The following RYR2 variants were observed in gnomAD, a reference collection of about 807,000 sequenced individuals.
RYR2 encodes the protein ryanodine receptor 2.
Under a neutral mutation model 601.1 loss-of-function variants are expected in RYR2, and 227 were observed. That is an observed-to-expected ratio of 0.38 (90% CI 0.34 to 0.42). RYR2 has a LOEUF of 0.42. Among genes scored for constraint, RYR2 ranks in the 10% least tolerant of loss-of-function variants. The pLI is 1.00. For synonymous variants in RYR2, 2,223 were observed against 2,175.1 expected (o/e 1.02, Z -0.61); for missense variants, 4,646 against 6,156.5 (o/e 0.75, Z 8.21).
rs139669741 is a variant in RYR2 at position 237,131,774 on chromosome 1, G to A, written c.48+89205G>A. On this transcript the variant is annotated intron_variant, in intron 1 of 104. Coordinates refer to ENST00000366574, the MANE Select transcript of RYR2 (RefSeq NM_001035.3). ...CTTGCTCTGTCACCCAGGCTGTAGT[G>A]CAGTGGCACGATCATGGCTCATTGC... 3.0e-3 allele frequency among the ~76,000 whole-genome samples: 459 copies of A among 151,828 alleles called. 3 individuals are homozygous for A. Among genetic ancestry groups the A allele is most frequent in the African/African-American group, 0.01 (429 of 41,376 alleles).
At chr1:237,779,396 AG>A (rs1290737881) in intron 88 of RYR2, among the ~76,000 whole-genome samples, 4 of 152,218 alleles carry the variant, frequency 2.6e-5, no homozygotes, top group African/African-American at 9.6e-5. Flanking sequence ...CAAACAGAAA[AG>A]TTCTTGTGAA....
chr1:237,832,123 T>G (rs1001421207), intron 104 of RYR2, among the ~76,000 whole-genome samples: 6 of 152,110 alleles, frequency 3.9e-5, no homozygotes, highest in African/African-American at 7.2e-5. Context: ...ACTACAGCCT[T>G]GACTTCCTGG....
intron 1 of RYR2, among the ~76,000 whole-genome samples, chr1:237,258,972 TG>T (rs376680735): frequency 1.0e-3 from 158 of 152,102 alleles, no homozygotes; most frequent in African/African-American, 3.7e-3. Flanking sequence ...GCCTTCTGCT[TG>T]GCCAGCTGCC....
chr1:237,276,355 C>T (rs1002913913), intron 2 of RYR2, among the ~76,000 whole-genome samples: 1 of 152,166 alleles, frequency 6.6e-6, no homozygotes, highest in Non-Finnish European at 1.5e-5. Flanking sequence ...CTGCTTTGGC[C>T]TCCCAAAGTG....
chr1:237,109,821 C>G (rs1669241322), intron 1 of RYR2, among the ~76,000 whole-genome samples: 1 of 151,952 alleles, frequency 6.6e-6, no homozygotes, highest in Non-Finnish European at 1.5e-5. Flanking sequence ...AGGAAGATTA[C>G]CTCTGTGAGG....
chr1:237,595,443 G>T, intron 33 of RYR2, 55 bp from the exon 34 acceptor site: 7 of 1,588,054 alleles, frequency 4.4e-6, no homozygotes, highest in Non-Finnish European at 4.3e-6. Context: ...AGATATACCT[G>T]CTTTCTCTTT....
chr1:237,464,669 AAC>A (rs1438436947), intron 16 of RYR2, among the ~76,000 whole-genome samples: 2 of 152,176 alleles, frequency 1.3e-5, no homozygotes, highest in African/African-American at 4.8e-5. Context: ...ATTTCTAAAA[AAC>A]ACAGTTTTCT....
chr1:237,617,569 C>T (rs760330087), intron 38 of RYR2, 83 bp downstream of exon 38: 1 of 1,265,738 alleles, frequency 7.9e-7, no homozygotes, highest in East Asian at 2.4e-5. Flanking sequence ...TTATATAACT[C>T]ACACGTCTTG....
intron 62 of RYR2, among the ~76,000 whole-genome samples, chr1:237,685,508 A>G (rs1171732719): frequency 6.6e-6 from 1 of 152,242 alleles, no homozygotes; most frequent in Non-Finnish European, 1.5e-5. Context: ...TAATCCTAGC[A>G]TTATAAATTC....
chr1:237,284,485 T>TATAACATATAA (rs1691258258), intron 2 of RYR2, among the ~76,000 whole-genome samples: 2 of 103,990 alleles, frequency 1.9e-5, no homozygotes, highest in Non-Finnish European at 3.8e-5. Flanking sequence ...TACATATATA[T>TATAACATATAA]AATATATAAA....
intron 19 of RYR2, among the ~76,000 whole-genome samples, chr1:237,495,390 A>G (rs1039666190): frequency 6.6e-6 from 1 of 152,244 alleles, no homozygotes; most frequent in Non-Finnish European, 1.5e-5. Flanking sequence ...AAATGGATAC[A>G]GCTGGTTTTT....
intron 48 of RYR2, among the ~76,000 whole-genome samples, chr1:237,646,282 A>G (rs7512079): frequency 0.29 from 43,694 of 150,298 alleles, 6,824 homozygotes; most frequent in African/African-American, 0.41. Flanking sequence ...CGGAGGTTGC[A>G]GTGAGCCACG....
intron 1 of RYR2, among the ~76,000 whole-genome samples, chr1:237,052,493 GC>G (rs1407575002): frequency 6.6e-6 from 1 of 152,210 alleles, no homozygotes; most frequent in Non-Finnish European, 1.5e-5. Context: ...TCAATGAAAT[GC>G]CGCCTTGATC....
At chr1:237,055,553 G>T (rs894996390) in intron 1 of RYR2, among the ~76,000 whole-genome samples, 34 of 152,052 alleles carry the variant, frequency 2.2e-4, no homozygotes, top group African/African-American at 7.7e-4. Flanking sequence ...GGGTTTATGG[G>T]GTTGGTAACT....
Position 237,625,777 on chromosome 1 carries a change from C to G in RYR2, c.6139C>G (p.Pro2047Ala). Residue 2047 changes from proline to alanine, a missense_variant, in exon 40 of 105, where the codon CCA becomes GCA. By Grantham distance (27) the Pro-to-Ala change is conservative (BLOSUM62 -1). Coordinates refer to ENST00000366574, the MANE Select transcript of RYR2 (RefSeq NM_001035.3). ...TYLKKKQAEKPVESDSKKSST... is the reference protein window; with the variant it reads ...TYLKKKQAEKAVESDSKKSST... ...TCTGAAGAAGAAGCAAGCAGAAAAA[C>G]CAGTTGAGAGTGACTCCAAAAAGTC... 6.2e-7 allele frequency: 1 copy of G among 1,613,526 alleles called. No homozygotes were observed. Among genetic ancestry groups the G allele is most frequent in the Non-Finnish European group, 8.5e-7 (1 of 1,179,738 alleles).
chr1:237,642,518 T>C (rs1681665671), intron 47 of RYR2, among the ~76,000 whole-genome samples: 2 of 152,250 alleles, frequency 1.3e-5, no homozygotes, highest in South Asian at 2.1e-4. Context: ...TACTAATAAA[T>C]AGAAGTTTTC....
chr1:237,787,934 C>T (rs544652598), intron 91 of RYR2, 54 bp from the exon 92 acceptor site: 110 of 1,512,640 alleles, frequency 7.3e-5, no homozygotes, highest in East Asian at 4.9e-5. Flanking sequence ...CCACAACACC[C>T]GTTTAGTTCT....
chr1:237,585,000 C>G (rs10925466), intron 29 of RYR2, among the ~76,000 whole-genome samples: 74,624 of 151,656 alleles, frequency 0.49, 18,858 homozygotes, highest in South Asian at 0.66. Context: ...CTCAGCCTCT[C>G]AGATACAGAT....
chr1:237,204,627 C>A (rs139799645), intron 1 of RYR2, among the ~76,000 whole-genome samples: 3 of 152,136 alleles, frequency 2.0e-5, no homozygotes, highest in Admixed American at 2.0e-4. Flanking sequence ...TGCTCCATTC[C>A]GCATTCCTTA....
Sources: allele counts gnomAD v4.1 joint callset (sites outside exome capture counted in the v4.1 genomes callset), GRCh38; gene constraint gnomAD v4.1.1; transcripts MANE v1.5; gene names NCBI Gene and HGNC (gene_info 2026-07-23, HGNC 2026-07-21).